The following PCDHA4 variants were observed in gnomAD, a reference collection of about 807,000 sequenced individuals.
The protein encoded by PCDHA4 is protocadherin alpha-4.
Under a neutral mutation model 61.4 loss-of-function variants are expected in PCDHA4, and 49 were observed. That is an observed-to-expected ratio of 0.80 (90% CI 0.63 to 1.01). The LOEUF (loss-of-function observed/expected upper bound fraction) is 1.01, where lower values mean the gene tolerates loss of function less well. PCDHA4 is among the 50% of genes least tolerant of loss of function. PCDHA4 has a pLI of 0.00. For missense variants in PCDHA4, 1,254 were observed against 1,235.8 expected (o/e 1.01, Z -0.22); for synonymous variants, 590 against 550.3 (o/e 1.07, Z -1.01).
intron 1 of PCDHA4, chr5:140,967,575 C>T: frequency 6.2e-7 from 1 of 1,614,156 alleles, no homozygotes. Context: ...CGGGAGGACT[C>T]ACCCCCAGGC....
intron 1 of PCDHA4, among the ~76,000 whole-genome samples, chr5:140,937,575 T>C (rs111558133): frequency 1.8e-3 from 268 of 149,140 alleles, no homozygotes; most frequent in African/African-American, 6.4e-3. Context: ...TGGGATCGCG[T>C]CACTGCACTC....
At chr5:140,908,422 C>T (rs1403455941) in intron 1 of PCDHA4, among the ~76,000 whole-genome samples, 1 of 152,176 alleles carries the variant, frequency 6.6e-6, no homozygotes, top group Non-Finnish European at 1.5e-5. Context: ...TGATGGAATG[C>T]TGCTGTGCGC....
At chr5:140,999,138 C>T (rs530740266) in intron 3 of PCDHA4, among the ~76,000 whole-genome samples, 1 of 152,140 alleles carries the variant, frequency 6.6e-6, no homozygotes, top group Non-Finnish European at 1.5e-5. Flanking sequence ...AATGTCACAG[C>T]CGGAAGTCTT....
intron 1 of PCDHA4, chr5:140,850,018 T>A: frequency 1.3e-6 from 2 of 1,596,890 alleles, no homozygotes; most frequent in Non-Finnish European, 1.7e-6. Context: ...TCGAGCTACG[T>A]GTCAGTGCAC....
At chr5:140,989,777 A>G (rs1406464822) in intron 3 of PCDHA4, among the ~76,000 whole-genome samples, 2 of 152,230 alleles carry the variant, frequency 1.3e-5, no homozygotes, top group African/African-American at 4.8e-5. Context: ...AGCACTGGCT[A>G]GAGACTAGAG....
chr5:140,847,542 C>T (rs1442885551), intron 1 of PCDHA4: 1 of 149,324 alleles, frequency 6.7e-6, no homozygotes, highest in African/African-American at 2.5e-5. Flanking sequence ...TCAAGCATAG[C>T]TTTAAAAACA....
intron 1 of PCDHA4, chr5:140,928,746 C>G (rs782813323): frequency 1.2e-6 from 2 of 1,614,012 alleles, no homozygotes; most frequent in Non-Finnish European, 1.7e-6. Flanking sequence ...TAGGTGAGCT[C>G]CGTACTGCTC....
intron 1 of PCDHA4, chr5:140,847,393 A>G (rs997317821): frequency 1.3e-5 from 2 of 149,740 alleles, no homozygotes; most frequent in African/African-American, 4.9e-5. Context: ...AAAAACATTA[A>G]TGGCACAATA....
At chr5:140,997,727 C>G (rs2097783097) in intron 3 of PCDHA4, among the ~76,000 whole-genome samples, 1 of 151,244 alleles carries the variant, frequency 6.6e-6, no homozygotes, top group Admixed American at 6.6e-5. Flanking sequence ...TACGTCAGTA[C>G]ATATAGATTT....
At chr5:140,847,123 C>T (rs1554141658) in intron 1 of PCDHA4, among the ~76,000 whole-genome samples, 1 of 149,564 alleles carries the variant, frequency 6.7e-6, no homozygotes, top group African/African-American at 2.4e-5. Context: ...AGAATGAAAG[C>T]AGGAAAACCA....
intron 1 of PCDHA4, chr5:140,827,969 T>G: frequency 1.5e-6 from 2 of 1,373,188 alleles, no homozygotes; most frequent in Non-Finnish European, 2.0e-6. Flanking sequence ...TATTACTGCA[T>G]CATTCCCTGA....
chr5:140,994,303 C>T (rs13163241), intron 3 of PCDHA4, among the ~76,000 whole-genome samples: 9,825 of 152,220 alleles, frequency 0.065, 357 homozygotes, highest in East Asian at 0.12. Flanking sequence ...ATTGTTTTCA[C>T]AGGGCCCAAA....
intron 1 of PCDHA4, chr5:140,967,979 G>A (rs1405177525): frequency 1.2e-6 from 2 of 1,614,100 alleles, no homozygotes; most frequent in African/African-American, 1.3e-5. Flanking sequence ...CCTGGGTCTG[G>A]AGGCCACACT....
intron 1 of PCDHA4, chr5:140,842,493 C>T (rs1554139100): frequency 6.2e-7 from 1 of 1,613,738 alleles, no homozygotes; most frequent in Non-Finnish European, 8.5e-7. Context: ...TCCCTGATGC[C>T]CCATGTCCCC....
intron 1 of PCDHA4, chr5:140,828,120 G>A (rs1182345858): frequency 2.5e-6 from 4 of 1,612,674 alleles, no homozygotes; most frequent in Non-Finnish European, 3.4e-6. Context: ...GATAGATTGG[G>A]AAAGCAATGT....
chr5:140,982,221 A>T, intron 2 of PCDHA4: 1 of 546,340 alleles, frequency 1.8e-6, no homozygotes. Flanking sequence ...ACATGGCGTT[A>T]ATAAAAAACA....
chr5:140,891,637 G>A (rs1245368138), intron 1 of PCDHA4, among the ~76,000 whole-genome samples: 1 of 151,912 alleles, frequency 6.6e-6, no homozygotes, highest in East Asian at 1.9e-4. Context: ...TGCTCTTTGG[G>A]CTTTATTGTG....
intron 1 of PCDHA4, among the ~76,000 whole-genome samples, chr5:140,932,822 A>G (rs1191525374): frequency 6.6e-6 from 1 of 151,946 alleles, no homozygotes; most frequent in Non-Finnish European, 1.5e-5. Context: ...ATAAGTGGGA[A>G]AGTATTGACA....
intron 1 of PCDHA4, chr5:140,854,159 C>CA (rs59855104): frequency 0.067 from 22,471 of 337,648 alleles, 281 homozygotes; most frequent in African/African-American, 0.075. Flanking sequence ...GATTCTGTCT[C>CA]AAAAAAAAAA....
Sources: gnomAD v4.1 joint callset for allele counts (sites outside exome capture counted in the v4.1 genomes callset) on GRCh38, gnomAD v4.1.1 for gene constraint, MANE v1.5 for transcripts, NCBI Gene and HGNC (gene_info 2026-07-23, HGNC 2026-07-21) for gene names.